Variants in PRRC2B observed in about 807,000 individuals in gnomAD.
PRRC2B encodes the protein proline rich coiled-coil 2B.
PRRC2B carries 68 observed loss-of-function variants against 242.3 expected under a neutral mutation model. That is an observed-to-expected ratio of 0.28 (90% CI 0.23 to 0.34). The LOEUF is 0.34. PRRC2B is among the 10% of genes least tolerant of loss of function. The probability of loss-of-function intolerance (pLI) is 1.00; values close to 1 mark genes in which losing one functional copy is unlikely to be tolerated. For synonymous variants in PRRC2B, 1,228 were observed against 1,173.6 expected (o/e 1.05, Z -0.95); for missense variants, 2,835 against 2,954.8 (o/e 0.96, Z 0.94).
At chr9:131,439,670 C>G (rs904477681) in intron 5 of PRRC2B, among the ~76,000 whole-genome samples, 1 of 150,410 alleles carries the variant, frequency 6.6e-6, no homozygotes, top group Non-Finnish European at 1.5e-5. Context: ...AATCCCTGTG[C>G]TCAAAGGCTC....
intron 10 of PRRC2B, among the ~76,000 whole-genome samples, chr9:131,458,918 G>A (rs769830576): frequency 6.6e-5 from 10 of 152,222 alleles, no homozygotes; most frequent in Non-Finnish European, 1.3e-4. Context: ...GGATCATGAG[G>A]ACTTTTTTTT....
rs766148030 is a variant in PRRC2B, at chr9:131,444,206, T to A, written c.491T>A (p.Leu164Gln). The change falls in exon 6 of 32, where the codon CTG (leucine) becomes CAG (glutamine). Residue 164 changes from leucine (L) to glutamine (Q), a missense_variant. Transcript: ENST00000683519. ...HEGGLRGSSR[L>Q]LSFSPEEFPT... ...ACAGGTTTAAGGGGCTCAAGCCGAC[T>A]GTTATCCTTCTCTCCCGAGGAATTT... 2 of 1,614,050 alleles carry A rather than the reference T, an allele frequency of 1.2e-6. No homozygotes were observed. Among genetic ancestry groups the A allele is most frequent in the Admixed American group, 1.7e-5 (1 of 60,026 alleles).
At chr9:131,403,344 TTTTA>T (rs1230693068) in intron 1 of PRRC2B, among the ~76,000 whole-genome samples, 10 of 150,140 alleles carry the variant, frequency 6.7e-5, no homozygotes, top group East Asian at 1.9e-4. Flanking sequence ...ATACAGGTTA[TTTTA>T]TTTATTTATT....
At chr9:131,433,767 A>T (rs1323196730) in intron 3 of PRRC2B, among the ~76,000 whole-genome samples, 1 of 152,220 alleles carries the variant, frequency 6.6e-6, no homozygotes. Flanking sequence ...TCCTTTTCTT[A>T]CAAGTCTGTG....
intron 1 of PRRC2B, among the ~76,000 whole-genome samples, chr9:131,418,653 A>G (rs983003712): frequency 1.3e-5 from 2 of 152,196 alleles, no homozygotes; most frequent in South Asian, 2.1e-4. Flanking sequence ...GGTGTAAACA[A>G]TGGCACTGCC....
At chr9:131,412,488 A>G (rs1039117532) in intron 1 of PRRC2B, among the ~76,000 whole-genome samples, 18 of 151,224 alleles carry the variant, frequency 1.2e-4, no homozygotes, top group Non-Finnish European at 2.4e-4. Context: ...GCGTGCGTGC[A>G]TGCACACGCT....
chr9:131,473,746 C>T (rs777346090), intron 15 of PRRC2B, 22 bp downstream of exon 15: 53 of 1,593,950 alleles, frequency 3.3e-5, no homozygotes, highest in Non-Finnish European at 4.3e-5. Context: ...CCTGGTCCTG[C>T]TGCCTTGCCA....
chr9:131,399,431 TA>T (rs1209466443), intron 1 of PRRC2B, among the ~76,000 whole-genome samples: 2 of 151,326 alleles, frequency 1.3e-5, no homozygotes, highest in Non-Finnish European at 2.9e-5. Flanking sequence ...TACAAAAAAT[TA>T]GCCGGGCGTG....
intron 1 of PRRC2B, among the ~76,000 whole-genome samples, chr9:131,381,745 T>C (rs191632031): frequency 7.0e-6 from 1 of 143,726 alleles, no homozygotes; most frequent in East Asian, 2.0e-4. Flanking sequence ...TTGTTATTTT[T>C]ATTATTGTTT....
intron 1 of PRRC2B, among the ~76,000 whole-genome samples, chr9:131,380,962 C>G (rs773335346): frequency 2.0e-5 from 3 of 151,724 alleles, no homozygotes; most frequent in African/African-American, 4.8e-5. Flanking sequence ...CATATTTTCT[C>G]CCACTCTGTG....
intron 11 of PRRC2B, 127 bp from the exon 12 acceptor site, chr9:131,464,636 A>T: frequency 1.2e-6 from 1 of 833,394 alleles, no homozygotes; most frequent in Non-Finnish European, 1.8e-6. Flanking sequence ...TCTGTCTGCC[A>T]CACGCCTGTG....
chr9:131,382,642 CTT>C (rs112213593), intron 1 of PRRC2B, among the ~76,000 whole-genome samples: 3 of 144,622 alleles, frequency 2.1e-5, no homozygotes, highest in Non-Finnish European at 3.1e-5. Context: ...GCCCCCATTC[CTT>C]TTTTTTTTTT....
intron 1 of PRRC2B, among the ~76,000 whole-genome samples, chr9:131,429,403 A>G (rs1299813803): frequency 6.6e-6 from 1 of 152,198 alleles, no homozygotes; most frequent in East Asian, 1.9e-4. Context: ...TGTCTCTTCA[A>G]AGGGGCAAGT....
intron 1 of PRRC2B, among the ~76,000 whole-genome samples, chr9:131,401,316 G>A (rs1041780610): frequency 6.6e-6 from 1 of 151,420 alleles, no homozygotes; most frequent in Non-Finnish European, 1.5e-5. Flanking sequence ...CTGAAACTCT[G>A]TTCCCATTAG....
Position 131,492,259 on chromosome 9 carries a change from A to G in PRRC2B, c.6472A>G (p.Arg2158Gly). Reference protein sequence around the residue: ...GGPVPSPQTYRPSSASPSGKP... With the variant: ...GGPVPSPQTYGPSSASPSGKP... Reference sequence around the variant, plus strand: ...CCCCGTGCCATCGCCACAGACCTACAGGTAAAGCCACTCCCTGGGGACTGC... The same window carrying G: ...CCCCGTGCCATCGCCACAGACCTACGGGTAAAGCCACTCCCTGGGGACTGC... The change falls in exon 30 of 32, where the codon AGG becomes GGG. Residue 2158 changes from arginine to glycine, a missense_variant and splice_region_variant. By Grantham distance (125) the Arg-to-Gly change is moderately radical. Transcript: ENST00000683519. 6.2e-7 allele frequency: 1 copy of G among 1,612,740 alleles called. No homozygotes were observed. The highest frequency in any genetic ancestry group is 8.5e-7 in the Non-Finnish European group (1 of 1,178,848).
At chr9:131,389,149 ATTTTTTTTTT>A (rs71501254), upstream of PRRC2B, among the ~76,000 whole-genome samples, 310 of 108,840 alleles carry the variant, frequency 2.8e-3, 12 homozygotes, top group Non-Finnish European at 5.1e-3. Flanking sequence ...GCTCCTTTCA[ATTTTTTTTTT>A]TTTTTTTTTT....
chr9:131,406,376 G>T (rs1285561496), intron 1 of PRRC2B, among the ~76,000 whole-genome samples: 1 of 152,130 alleles, frequency 6.6e-6, no homozygotes, highest in Admixed American at 6.5e-5. Flanking sequence ...GCTGCCCTGT[G>T]TCTAGTCTGT....
Position 131,467,620 on chromosome 9 carries a change from C to T in PRRC2B, c.1778C>T (p.Thr593Ile), listed in dbSNP as rs767055101. 2 of 1,613,656 alleles carry T rather than the reference C, an allele frequency of 1.2e-6. No individual in the cohort carries two copies. Among genetic ancestry groups the T allele is most frequent in the Non-Finnish European group, 1.7e-6 (2 of 1,179,754 alleles). The change falls in exon 13 of 32, where the codon ACA becomes ATA. Residue 593 changes from threonine to isoleucine, a missense_variant. By Grantham distance (89) the Thr-to-Ile change is moderately conservative. Coordinates refer to ENST00000683519, the MANE Select transcript of PRRC2B (RefSeq NM_013318.4). Reference sequence around the variant, plus strand: ...ACCACATTCCCAGAAGAGGCACCCACAGTGTCCCCAGCAGTGGCACAGAGC... The same window carrying T: ...ACCACATTCCCAGAAGAGGCACCCATAGTGTCCCCAGCAGTGGCACAGAGC... Reference protein sequence around the residue: ...TPTTFPEEAPTVSPAVAQSNS... With the variant: ...TPTTFPEEAPIVSPAVAQSNS...
chr9:131,379,988 AT>A (rs1396140870), intron 1 of PRRC2B, among the ~76,000 whole-genome samples: 1 of 139,320 alleles, frequency 7.2e-6, no homozygotes, highest in East Asian at 2.2e-4. Context: ...ATTTATATAT[AT>A]ATAATAATTT....
Sources: gnomAD v4.1 joint callset for allele counts (sites outside exome capture counted in the v4.1 genomes callset) on GRCh38, gnomAD v4.1.1 for gene constraint, MANE v1.5 for transcripts, NCBI Gene and HGNC (gene_info 2026-07-23, HGNC 2026-07-21) for gene names.